Variants in EMC8 observed in about 807,000 individuals in gnomAD.
EMC8 encodes ER membrane protein complex subunit 8.
EMC8 carries 11 observed loss-of-function variants against 24.3 expected under a neutral mutation model. The ratio of observed to expected loss-of-function variants is 0.45; its 90% confidence interval spans 0.28 to 0.75. The LOEUF is 0.75. Among genes scored for constraint, EMC8 ranks in the 30% least tolerant of loss-of-function variants. The pLI, the probability that EMC8 is intolerant of heterozygous loss-of-function variation, is 0.12. For missense variants in EMC8, 277 were observed against 282.7 expected, an observed-to-expected ratio of 0.98 and a Z score of 0.14; for synonymous variants, 145 against 117.7, an observed-to-expected ratio of 1.23 and a Z score of -1.50.
chr16:85,794,705 A>G (rs1161032356), intron 1 of EMC8, among the ~76,000 whole-genome samples: 1 of 152,176 alleles, frequency 6.6e-6, no homozygotes, highest in Non-Finnish European at 1.5e-5. Flanking sequence ...GTCAGTATAA[A>G]TAACTATTGC....
chr16:85,786,929 G>A (rs997486207), intron 2 of EMC8, among the ~76,000 whole-genome samples: 3 of 152,190 alleles, frequency 2.0e-5, no homozygotes, highest in Non-Finnish European at 4.4e-5. Context: ...GGATTTGCAG[G>A]TGGGGGATTA....
intron 3 of EMC8, 166 bp downstream of exon 3, chr16:85,781,045 G>C: frequency 1.7e-6 from 1 of 599,698 alleles, no homozygotes; most frequent in Non-Finnish European, 3.0e-6. Flanking sequence ...GCCATGGCCT[G>C]GGATTCAACT....
chr16:85,788,313 GC>G (rs1424232049), intron 2 of EMC8, among the ~76,000 whole-genome samples: 3 of 152,218 alleles, frequency 2.0e-5, no homozygotes, highest in Non-Finnish European at 4.4e-5. Context: ...GGCTGTTGTC[GC>G]CAGCCTTGTT....
intron 1 of EMC8, among the ~76,000 whole-genome samples, chr16:85,796,395 C>T (rs1291765829): frequency 6.6e-6 from 1 of 152,132 alleles, no homozygotes; most frequent in Non-Finnish European, 1.5e-5. Flanking sequence ...TTCTCCGTAC[C>T]CATGCTGCAC....
intron 1 of EMC8, chr16:85,798,842 C>G (rs368273138): frequency 2.0e-5 from 10 of 512,788 alleles, no homozygotes; most frequent in East Asian, 6.3e-5. Context: ...TAAAGTGCCT[C>G]TAAAAGCATC....
rs776446212 is a variant in EMC8, at chr16:85,779,708, C to G, written c.633G>C (p.Ter211TyrextTer15). 1 of 1,614,096 alleles carries G rather than the reference C, an allele frequency of 6.2e-7. No homozygotes were observed. Among genetic ancestry groups the G allele is most frequent in the South Asian group, 1.1e-5 (1 of 91,058 alleles). Residue 211 changes from the stop codon to tyrosine (Y), a stop_lost, in exon 5 of 5, where the codon TAG (stop) becomes TAC (tyrosine). Coordinates refer to ENST00000253457, the MANE Select transcript of EMC8 (RefSeq NM_006067.5). ...EINKAVLHLC* is the reference protein window; with the variant it reads ...EINKAVLHLCY Reference sequence around the variant, plus strand: ...GGAGCCCAGTCACAGCGGTGCCTGCCTAGCACAAGTGTAGGACAGCTTTAT... The same window carrying G: ...GGAGCCCAGTCACAGCGGTGCCTGCGTAGCACAAGTGTAGGACAGCTTTAT...
In EMC8 at chr16:85,780,395, ACCG is replaced by A; in HGVS notation, c.454_456del (p.Arg152del). 1 of 1,614,074 alleles carries A rather than the reference ACCG, an allele frequency of 6.2e-7. No individual in the cohort carries two copies. Among genetic ancestry groups the A allele is most frequent in the East Asian group, 2.2e-5 (1 of 44,886 alleles). ...CGCACTCACTGGTGTGGGTCTCTGCACCGCCATCTGTTCTCATGGTGCTCGTAC... is the reference window on the plus strand; with the variant it reads ...CGCACTCACTGGTGTGGGTCTCTGCACCATCTGTTCTCATGGTGCTCGTAC... On this transcript the variant is annotated inframe_deletion, in exon 4 of 5. Transcript: ENST00000253457.
chr16:85,779,761 G>A lies in EMC8; in HGVS notation c.580C>T (p.Arg194Trp), dbSNP rs1904401028. The A allele has an allele frequency of 6.2e-7, 1 of 1,614,204 alleles. No individual in the cohort carries two copies. Among genetic ancestry groups the A allele is most frequent in the Non-Finnish European group, 8.5e-7 (1 of 1,180,032 alleles). The change falls in exon 5 of 5, where the codon CGG (arginine) becomes TGG (tryptophan). Residue 194 changes from arginine to tryptophan, a missense_variant. Coordinates refer to ENST00000253457, the MANE Select transcript of EMC8 (RefSeq NM_006067.5). The part of the protein sequence containing the change: ...VDFDNHLDDI[R>W]NDWTNPEINK... ...ATCTCTGGGTTTGTCCAGTCATTCC[G>A]AATGTCATCCAGGTGGTTATCGAAA...
chr16:85,796,974 G>C (rs57380395), intron 1 of EMC8, among the ~76,000 whole-genome samples: 2,951 of 152,292 alleles, frequency 0.019, 101 homozygotes, highest in African/African-American at 0.067. Flanking sequence ...TCCTCAGCAC[G>C]GGCCTGGCAC....
At chr16:85,786,946 G>C (rs1454027383) in intron 2 of EMC8, among the ~76,000 whole-genome samples, 2 of 152,180 alleles carry the variant, frequency 1.3e-5, no homozygotes. Flanking sequence ...ATTAAGGAAA[G>C]GGAGGCCCCT....
intron 1 of EMC8, among the ~76,000 whole-genome samples, chr16:85,795,730 C>T (rs750698146): frequency 6.6e-6 from 1 of 152,148 alleles, no homozygotes; most frequent in Non-Finnish European, 1.5e-5. Context: ...TAAGGTTTTC[C>T]CTGAGCTCTG....
In EMC8 at chr16:85,781,352, C is replaced by T. The variant is rs547604618; in HGVS notation, c.309-72G>A. The T allele has an allele frequency of 5.7e-5, 54 of 949,994 alleles. No individual in the cohort carries two copies. In the African/African-American group the frequency reaches 8.2e-4, roughly 14 times the overall value. The allele number at this position is 949,994 out of a possible 1,614,324, so 58.8% of individuals were successfully genotyped here. On this transcript the variant is annotated intron_variant, in intron 2 of 4. Transcript: ENST00000253457. ...CTGTTTACAAAAGGCACAGTCAACA[C>T]CACTGAGACTTAACAAGCAATGACA... is the stretch of plus-strand genomic sequence containing the variant.
chr16:85,783,550 C>A (rs1904610270), intron 2 of EMC8, among the ~76,000 whole-genome samples: 1 of 152,176 alleles, frequency 6.6e-6, no homozygotes, highest in African/African-American at 2.4e-5. Context: ...TGCTCACAGC[C>A]CCACAGACTA....
intron 1 of EMC8, among the ~76,000 whole-genome samples, chr16:85,796,043 A>T (rs1356279313): frequency 6.6e-6 from 1 of 152,166 alleles, no homozygotes; most frequent in East Asian, 1.9e-4. Flanking sequence ...GCAGTCCTCA[A>T]GTGCTAAGAC....
Position 85,778,725 on chromosome 16 carries a change from T to C in EMC8, c.*983A>G, listed in dbSNP as rs1024192039. 6.6e-6 allele frequency: 1 copy of C among 152,184 alleles called. No homozygotes were observed. Among genetic ancestry groups the C allele is most frequent in the African/African-American group, 2.4e-5 (1 of 41,432 alleles). 9.4% of individuals were successfully genotyped at this position (152,184 alleles called of 1,614,324 possible). ...CCGCTGTATCACAAACCCTTTCAGG[T>C]CACACCGATCGTTACAAATTCCTCC... On this transcript the variant is annotated 3_prime_UTR_variant, in exon 5 of 5. Coordinates refer to ENST00000253457, the MANE Select transcript of EMC8 (RefSeq NM_006067.5).
chr16:85,785,899 C>T (rs1172606489), intron 2 of EMC8, among the ~76,000 whole-genome samples: 2 of 151,944 alleles, frequency 1.3e-5, no homozygotes, highest in African/African-American at 4.8e-5. Flanking sequence ...CAGGCCAGGG[C>T]TCTCTGCCGG....
intron 1 of EMC8, among the ~76,000 whole-genome samples, chr16:85,793,683 G>C (rs1905115015): frequency 6.6e-6 from 1 of 152,228 alleles, no homozygotes; most frequent in South Asian, 2.1e-4. Context: ...AAATCATGGT[G>C]ATGAGGCCAG....
chr16:85,788,812 G>A (rs1028298316), intron 2 of EMC8, 162 bp downstream of exon 2: 4 of 636,038 alleles, frequency 6.3e-6, no homozygotes, highest in African/African-American at 1.9e-5. Flanking sequence ...CTGTTGTTTG[G>A]AATTATCCAC....
intron 2 of EMC8, among the ~76,000 whole-genome samples, chr16:85,783,026 G>A (rs1422180846): frequency 1.3e-5 from 2 of 152,214 alleles, no homozygotes; most frequent in East Asian, 1.9e-4. Context: ...TCGGCTGGGT[G>A]CAGTGGCTCA....
Sources: gnomAD v4.1 joint callset for allele counts (sites outside exome capture counted in the v4.1 genomes callset) on GRCh38, gnomAD v4.1.1 for gene constraint, MANE v1.5 for transcripts, NCBI Gene and HGNC (gene_info 2026-07-23, HGNC 2026-07-21) for gene names.